The following FAM53A variants were observed in gnomAD, a reference collection of about 807,000 sequenced individuals.
The protein encoded by FAM53A is protein FAM53A.
A neutral mutation model predicts 26.6 loss-of-function variants in FAM53A; 28 were observed. The ratio of observed to expected loss-of-function variants is 1.05; its 90% CI spans 0.78 to 1.45. The LOEUF is 1.45. FAM53A is among the 40% of genes most tolerant of loss of function. FAM53A has a pLI of 0.00. For missense variants in FAM53A, 650 were observed against 575.8 expected (o/e 1.13, Z -1.32); for synonymous variants, 290 against 253.1 (o/e 1.15, Z -1.38).
Position 1,655,663 on chromosome 4 carries a change from C to T in FAM53A, c.197G>A (p.Gly66Asp), listed in dbSNP as rs1416231484. ...GCCCGGCAGGAAGGAGAAATCAGGG[C>T]CCGTGGCTGCCTGGCTTCTGACGGG... is the stretch of plus-strand genomic sequence containing the variant. ...GPPVRSQAAT[G>D]PDFSFLPGLS... Residue 66 changes from glycine (G) to aspartate (D), a missense_variant, in exon 4 of 5, where the codon GGC becomes GAC. By Grantham distance (94) the Gly-to-Asp change is moderately conservative (BLOSUM62 -1). Transcript: ENST00000308132. 6 of 1,595,360 alleles carry T rather than the reference C, an allele frequency of 3.8e-6. No homozygotes were observed. Among genetic ancestry groups the T allele is most frequent in the Non-Finnish European group, 5.1e-6 (6 of 1,173,120 alleles).
At chr4:1,581,848 T>C in the FAM53A span, among the ~76,000 whole-genome samples, 2 of 150,966 alleles carry the variant, frequency 1.3e-5, no homozygotes, top group African/African-American at 4.9e-5. Context: ...GCCCTCCTCA[T>C]CCTCCCAAAG....
intron 4 of FAM53A, among the ~76,000 whole-genome samples, chr4:1,648,299 G>T (rs1438558535): frequency 1.3e-5 from 2 of 152,224 alleles, no homozygotes; most frequent in African/African-American, 2.4e-5. Context: ...AGGTGATGCG[G>T]TGCAGGCAGG....
chr4:1,654,856 C>G, intron 4 of FAM53A, 122 bp downstream of exon 4: 1 of 1,349,612 alleles, frequency 7.4e-7, no homozygotes, highest in Non-Finnish European at 9.7e-7. Flanking sequence ...TCCTTTCCTC[C>G]CAGCCCAGAG....
downstream of FAM53A, among the ~76,000 whole-genome samples, chr4:1,638,834 C>G (rs1715967368): frequency 6.6e-6 from 1 of 152,234 alleles, no homozygotes; most frequent in African/African-American, 2.4e-5. Context: ...TTGAAGGGGA[C>G]TCAGGTAGCG....
chr4:1,595,824 G>A, the FAM53A span, among the ~76,000 whole-genome samples: 1 of 152,184 alleles, frequency 6.6e-6, no homozygotes, highest in African/African-American at 2.4e-5. Context: ...GTGGTCTACT[G>A]GGGCCCTTTG....
At chr4:1,626,180 G>A (rs1715292783) in intron 1 of FAM53A, among the ~76,000 whole-genome samples, 1 of 152,216 alleles carries the variant, frequency 6.6e-6, no homozygotes, top group Non-Finnish European at 1.5e-5. Context: ...CACACCAGGA[G>A]CAGAGCAAGC....
intron 1 of FAM53A, among the ~76,000 whole-genome samples, chr4:1,627,331 T>C (rs1462284006): frequency 6.6e-6 from 1 of 152,174 alleles, no homozygotes; most frequent in African/African-American, 2.4e-5. Context: ...GTGTTTCTGT[T>C]CCCTGAGTAG....
intron 1 of FAM53A, among the ~76,000 whole-genome samples, chr4:1,621,920 G>A (rs1344229970): frequency 1.3e-5 from 2 of 152,230 alleles, no homozygotes; most frequent in Admixed American, 1.3e-4. Flanking sequence ...GGGGAGGTGG[G>A]ACCTGATGGG....
chr4:1,654,836 C>A, intron 4 of FAM53A, 142 bp downstream of exon 4: 1 of 1,198,614 alleles, frequency 8.3e-7, no homozygotes, highest in South Asian at 2.0e-5. Flanking sequence ...CTCCAGATGG[C>A]TCTCCTCACT....
In FAM53A at chr4:1,672,371, C is replaced by G. The variant is rs73798423; in HGVS notation, c.-164-3466G>C. On this transcript the variant is annotated intron_variant, in intron 1 of 4. Coordinates refer to ENST00000308132, the MANE Select transcript of FAM53A (RefSeq NM_001174070.3). ...ATGGACCCAGGAACCCAGGAACCCA[C>G]GAACCCACGAACCCAGGAATCAGGA... Among the ~76,000 whole-genome samples the G allele has an allele frequency of 5.5e-3, 744 of 136,184 alleles. 5 individuals carry two copies. The highest frequency in any genetic ancestry group is 0.025 in the African/African-American group (699 of 27,938). 89.3% of individuals were successfully genotyped at this position (136,184 alleles called of 152,430 possible).
intron 4 of FAM53A, among the ~76,000 whole-genome samples, chr4:1,652,467 A>G (rs895013374): frequency 2.7e-5 from 4 of 145,588 alleles, no homozygotes; most frequent in Admixed American, 6.9e-5. Flanking sequence ...CACACACACG[A>G]CACACATCAC....
At chr4:1,684,577 C>G (rs1480981184), upstream of FAM53A, among the ~76,000 whole-genome samples, 1 of 151,690 alleles carries the variant, frequency 6.6e-6, no homozygotes, top group Non-Finnish European at 1.5e-5. Context: ...TGGCACTCGG[C>G]GGCGTCCTCC....
the FAM53A span, among the ~76,000 whole-genome samples, chr4:1,604,522 C>A: frequency 6.6e-6 from 1 of 152,118 alleles, no homozygotes; most frequent in Admixed American, 6.5e-5. Context: ...GGGAGCCCCC[C>A]ACTCACAAAG....
At chr4:1,620,098 T>G (rs1029877247) in intron 1 of FAM53A, among the ~76,000 whole-genome samples, 1 of 151,266 alleles carries the variant, frequency 6.6e-6, no homozygotes, top group African/African-American at 2.4e-5. Flanking sequence ...GTCCCAGTAC[T>G]GGGGAGGCAG....
chr4:1,604,841 C>A, the FAM53A span, among the ~76,000 whole-genome samples: 1 of 152,138 alleles, frequency 6.6e-6, no homozygotes, highest in African/African-American at 2.4e-5. Context: ...CCCCACCCTG[C>A]GGCGGCTCCC....
intron 1 of FAM53A, among the ~76,000 whole-genome samples, chr4:1,679,494 T>C (rs1715260932): frequency 6.7e-6 from 1 of 150,094 alleles, no homozygotes; most frequent in South Asian, 2.1e-4. Flanking sequence ...GAGACCAGCC[T>C]GGCCAATGTG....
chr4:1,683,926 T>A lies in FAM53A; in HGVS notation c.-165+307A>T, dbSNP rs368746816. 4.6e-5 allele frequency: 7 copies of A among 152,058 alleles called. No homozygotes were observed. In the East Asian group the frequency reaches 1.2e-3, roughly 25 times the overall value. The allele number at this position is 152,058 out of a possible 1,614,324, so 9.4% of individuals were successfully genotyped here. A position where few individuals can be genotyped will look rare whatever the true frequency, so the allele number is the denominator to read the frequency against. On this transcript the variant is annotated intron_variant, in intron 1 of 4. Coordinates refer to ENST00000308132, the MANE Select transcript of FAM53A (RefSeq NM_001174070.3). Reference sequence around the variant, plus strand: ...GGAAGTCTGGCCTCCCGCGTCTGGGTCCCCTTCGGGACGCCCCAAGGCCCC... The same window carrying A: ...GGAAGTCTGGCCTCCCGCGTCTGGGACCCCTTCGGGACGCCCCAAGGCCCC...
chr4:1,662,426 CCA>C, intron 2 of FAM53A, among the ~76,000 whole-genome samples: 1 of 143,858 alleles, frequency 7.0e-6, no homozygotes, highest in Non-Finnish European at 1.5e-5. Context: ...TTGCAGTGAG[CCA>C]AGATCGCACC....
At chr4:1,632,692 C>T (rs2108777493) in intron 1 of FAM53A, among the ~76,000 whole-genome samples, 1 of 152,392 alleles carries the variant, frequency 6.6e-6, no homozygotes, top group Middle Eastern at 3.4e-3. Flanking sequence ...GAACGCTCCA[C>T]AGGCGTGCAT....
Sources: allele counts gnomAD v4.1 joint callset (sites outside exome capture counted in the v4.1 genomes callset), GRCh38; gene constraint gnomAD v4.1.1; transcripts MANE v1.5; gene names NCBI Gene and HGNC (gene_info 2026-07-23, HGNC 2026-07-21).